The following STAG1 variants were observed in gnomAD, a reference collection of about 807,000 sequenced individuals.
STAG1 encodes cohesin subunit SA-1.
In STAG1, 26 loss-of-function variants were observed where a neutral mutation model predicts 170.9. The observed-to-expected ratio is 0.15, with a 90% confidence interval of 0.11 to 0.21. The LOEUF (loss-of-function observed/expected upper bound fraction) is 0.21. Among genes scored for constraint, STAG1 ranks in the 10% least tolerant of loss-of-function variants. STAG1 has a pLI of 1.00. For synonymous variants in STAG1, 514 were observed against 497.7 expected (o/e 1.03, Z -0.44); for missense variants, 964 against 1,509.5 (o/e 0.64, Z 5.99).
chr3:136,367,298 C>G (rs572197066), intron 24 of STAG1, among the ~76,000 whole-genome samples: 2 of 152,078 alleles, frequency 1.3e-5, no homozygotes, highest in Non-Finnish European at 2.9e-5. Context: ...AGGTTTCTGT[C>G]TTCTTAGGAG....
At chr3:136,604,284 C>G in intron 4 of STAG1, 25 bp downstream of exon 4, 1 of 1,597,070 alleles carries the variant, frequency 6.3e-7, no homozygotes, top group Non-Finnish European at 8.5e-7. Flanking sequence ...TTGCTTTATA[C>G]GTGAAATAAA....
intron 1 of STAG1, among the ~76,000 whole-genome samples, chr3:136,674,055 A>G (rs892949597): frequency 1.3e-5 from 2 of 148,918 alleles, no homozygotes; most frequent in Non-Finnish European, 1.5e-5. Context: ...GTAGGCTGAA[A>G]TCATACCACT....
chr3:136,432,521 G>GGT (rs2088336655), intron 16 of STAG1, among the ~76,000 whole-genome samples: 2 of 144,402 alleles, frequency 1.4e-5, no homozygotes, highest in African/African-American at 5.0e-5. Context: ...TTTTGGGGGG[G>GGT]GGGGGGCACA....
At chr3:136,685,044 G>C (rs771582680) in intron 1 of STAG1, among the ~76,000 whole-genome samples, 1 of 152,000 alleles carries the variant, frequency 6.6e-6, no homozygotes, top group Non-Finnish European at 1.5e-5. Flanking sequence ...GCTGGGCCCG[G>C]TGGCTCACGC....
At chr3:136,372,978 T>G (rs1167128066) in intron 23 of STAG1, among the ~76,000 whole-genome samples, 1 of 152,190 alleles carries the variant, frequency 6.6e-6, no homozygotes, top group African/African-American at 2.4e-5. Context: ...CATCTGGTCC[T>G]GGACTTTTTT....
At chr3:136,439,430 A>G (rs2088567229) in intron 15 of STAG1, among the ~76,000 whole-genome samples, 1 of 143,486 alleles carries the variant, frequency 7.0e-6, no homozygotes, top group South Asian at 2.3e-4. Context: ...ACACACACAC[A>G]CACACACACA....
In STAG1 at chr3:136,338,178, C is replaced by A. The variant is rs1935778110; in HGVS notation, c.*76G>T. 3 of 976,670 alleles carry A rather than the reference C, an allele frequency of 3.1e-6. No individual in the cohort carries two copies. The highest frequency in any genetic ancestry group is 4.8e-6 in the Non-Finnish European group (3 of 626,694). 60.5% of individuals were successfully genotyped at this position (976,670 alleles called of 1,614,324 possible). ...CAGATCACATCAAAAGTGTTTTTCC[C>A]CATACAAGCTATCACAGTATATAGG... On this transcript the variant is annotated 3_prime_UTR_variant, in exon 34 of 34. Coordinates refer to ENST00000383202, the MANE Select transcript of STAG1 (RefSeq NM_005862.3).
intron 4 of STAG1, among the ~76,000 whole-genome samples, chr3:136,587,904 A>G (rs1175416595): frequency 6.6e-6 from 1 of 152,214 alleles, no homozygotes; most frequent in Non-Finnish European, 1.5e-5. Context: ...CGGAGGTTGC[A>G]GTGAGCCAAG....
Position 136,623,133 on chromosome 3 carries a change from G to A in STAG1, c.132+13C>T. On this transcript the variant is annotated intron_variant, in intron 3 of 33. Coordinates refer to ENST00000383202, the MANE Select transcript of STAG1 (RefSeq NM_005862.3). ...ACTATTAAAGGAACAAAGAAGACAA[G>A]CATAATACATACTGGAGGCCGGCCA... 3 of 1,605,740 alleles carry A rather than the reference G, an allele frequency of 1.9e-6. No homozygotes were observed. Among genetic ancestry groups the A allele is most frequent in the Non-Finnish European group, 2.6e-6 (3 of 1,173,740 alleles).
chr3:136,750,999 T>C (rs1162879720), intron 1 of STAG1, among the ~76,000 whole-genome samples: 3 of 152,236 alleles, frequency 2.0e-5, no homozygotes, highest in Non-Finnish European at 2.9e-5. Flanking sequence ...GTAGAGTCAT[T>C]CAAATTCCAG....
At chr3:136,538,228 T>C (rs748740806) in intron 6 of STAG1, among the ~76,000 whole-genome samples, 7 of 152,292 alleles carry the variant, frequency 4.6e-5, no homozygotes, top group Non-Finnish European at 7.4e-5. Context: ...CATTTAATTC[T>C]ATTAATAAAT....
At chr3:136,697,725 G>A (rs181886603) in intron 1 of STAG1, among the ~76,000 whole-genome samples, 176 of 152,260 alleles carry the variant, frequency 1.2e-3, no homozygotes, top group African/African-American at 2.5e-3. Context: ...GTTTACTTCA[G>A]CTCCCTGGAA....
At chr3:136,579,727 G>A (rs1484139731) in intron 4 of STAG1, among the ~76,000 whole-genome samples, 1 of 152,140 alleles carries the variant, frequency 6.6e-6, no homozygotes, top group African/African-American at 2.4e-5. Flanking sequence ...CAGGGTTGGA[G>A]GGGCAACTCC....
intron 1 of STAG1, among the ~76,000 whole-genome samples, chr3:136,665,389 A>G (rs1380302212): frequency 1.3e-5 from 2 of 152,144 alleles, no homozygotes; most frequent in African/African-American, 4.8e-5. Context: ...TTACTCTTCT[A>G]TATACTGTAC....
At chr3:136,618,992 CAT>C (rs1474704595) in intron 3 of STAG1, among the ~76,000 whole-genome samples, 4 of 152,036 alleles carry the variant, frequency 2.6e-5, no homozygotes, top group African/African-American at 9.7e-5. Context: ...CTTATCTCTG[CAT>C]ATGTCATAAA....
intron 22 of STAG1, among the ~76,000 whole-genome samples, chr3:136,381,532 G>T (rs1320362330): frequency 6.6e-6 from 1 of 152,144 alleles, no homozygotes; most frequent in Non-Finnish European, 1.5e-5. Context: ...TTTCAATGGA[G>T]TTATGAGTGC....
At chr3:136,466,467 G>C (rs975642889) in intron 12 of STAG1, among the ~76,000 whole-genome samples, 39 of 152,278 alleles carry the variant, frequency 2.6e-4, no homozygotes, top group African/African-American at 8.7e-4. Flanking sequence ...AGAGTAAAAA[G>C]AAACGAACAA....
chr3:136,745,157 A>G (rs945492909), intron 1 of STAG1, among the ~76,000 whole-genome samples: 6 of 152,224 alleles, frequency 3.9e-5, no homozygotes, highest in African/African-American at 1.4e-4. Flanking sequence ...AGCCATTGCT[A>G]TTATGTTTAC....
intron 4 of STAG1, among the ~76,000 whole-genome samples, chr3:136,603,915 A>AG (rs1559903904): frequency 6.6e-6 from 1 of 152,070 alleles, no homozygotes; most frequent in Non-Finnish European, 1.5e-5. Flanking sequence ...AAAGAAAGAA[A>AG]GTTACAAATG....
Sources: allele counts gnomAD v4.1 joint callset (sites outside exome capture counted in the v4.1 genomes callset), GRCh38; gene constraint gnomAD v4.1.1; transcripts MANE v1.5; gene names NCBI Gene and HGNC (gene_info 2026-07-23, HGNC 2026-07-21).